UGCG: variants seen among roughly 807,000 people sequenced by gnomAD.
The protein encoded by UGCG is UDP-glucose ceramide glucosyltransferase.
UGCG carries 10 observed loss-of-function variants against 49.5 expected under a neutral mutation model. The ratio of observed to expected loss-of-function variants is 0.20; its 90% CI spans 0.12 to 0.34. UGCG has a LOEUF of 0.34. UGCG is among the 10% of genes least tolerant of loss of function. UGCG has a pLI of 1.00. For missense variants in UGCG, 312 were observed against 483.7 expected, an observed-to-expected ratio of 0.65 and a Z score of 3.33; for synonymous variants, 182 against 158.2, an observed-to-expected ratio of 1.15 and a Z score of -1.13.
intron 2 of UGCG, among the ~76,000 whole-genome samples, chr9:111,916,302 A>G (rs1838108704): frequency 6.6e-6 from 1 of 152,170 alleles, no homozygotes. Flanking sequence ...TGTGAAACTT[A>G]ATCTCACATT....
rs184641542 is a variant in UGCG, at chr9:111,913,311, A to G, written c.99-1294A>G. 5.3e-5 allele frequency among the ~76,000 whole-genome samples: 8 copies of G among 152,318 alleles called. No individual in the cohort carries two copies. In the East Asian group the frequency reaches 1.5e-3, roughly 29 times the overall value. ...CTTGTTTATGAGAAGTACTTGTCACATATTTACTAGAAGTAGGAGGAAGGC... is the reference window on the plus strand; with the variant it reads ...CTTGTTTATGAGAAGTACTTGTCACGTATTTACTAGAAGTAGGAGGAAGGC... On this transcript the variant is annotated intron_variant, in intron 1 of 8. Transcript: ENST00000374279.
chr9:111,899,210 C>T (rs561623714), intron 1 of UGCG, among the ~76,000 whole-genome samples: 4 of 152,130 alleles, frequency 2.6e-5, no homozygotes, highest in South Asian at 2.1e-4. Flanking sequence ...TTTATATTTC[C>T]GAAAGAGGAA....
At position 111,926,463 on chromosome 9, in the gene UGCG, A is replaced by C; in HGVS notation, c.525A>C (p.Ala175=). The C allele has an allele frequency of 1.9e-6, 3 of 1,611,038 alleles. No homozygotes were observed. The highest frequency in any genetic ancestry group is 2.5e-6 in the Non-Finnish European group (3 of 1,177,926). ...TGGTTCACGGGCTGCCTTACGTAGC[A>C]GACAGACAGGGCTTTGCTGCCACCT... ...VGLVHGLPYV[A]DRQGFAATLE... Residue 175 remains alanine (A), a synonymous_variant, in exon 5 of 9, where the codon GCA becomes GCC. Transcript: ENST00000374279.
At chr9:111,902,834 G>T (rs976766443) in intron 1 of UGCG, among the ~76,000 whole-genome samples, 11 of 151,694 alleles carry the variant, frequency 7.3e-5, no homozygotes, top group Admixed American at 7.2e-4. Flanking sequence ...CTGGATGGCA[G>T]TGGTGCGATC....
chr9:111,915,852 T>G, intron 2 of UGCG: 2 of 973,486 alleles, frequency 2.1e-6, no homozygotes, highest in Non-Finnish European at 2.4e-6. Context: ...TAGACATGAG[T>G]ATCATTCAGT....
chr9:111,932,440 G>A, intron 8 of UGCG, 81 bp downstream of exon 8: 2 of 1,365,566 alleles, frequency 1.5e-6, no homozygotes, highest in Non-Finnish European at 2.0e-6. Context: ...TGAAGGAAAT[G>A]TATCTGAGCC....
chr9:111,912,343 C>T (rs776468788), intron 1 of UGCG, among the ~76,000 whole-genome samples: 27 of 151,772 alleles, frequency 1.8e-4, no homozygotes, highest in Non-Finnish European at 2.6e-4. Flanking sequence ...TTTGGGAAGC[C>T]GAGGCGGGCA....
rs372672359 is a variant in UGCG at position 111,905,365 on chromosome 9, G to A, written c.98+8052G>A. On this transcript the variant is annotated intron_variant, in intron 1 of 8. Transcript: ENST00000374279. ...CTTGAACCCTTTGAGAAAGAAAACA[G>A]CCTGGCCAGATAAACCCTTCTGTCA... Among the ~76,000 whole-genome samples the A allele has an allele frequency of 6.6e-5, 10 of 152,066 alleles. No individual in the cohort carries two copies. The East Asian group carries it at 7.7e-4, about 12-fold the overall frequency.
At chr9:111,909,517 A>G (rs1007084750) in intron 1 of UGCG, among the ~76,000 whole-genome samples, 2 of 152,192 alleles carry the variant, frequency 1.3e-5, no homozygotes, top group African/African-American at 4.8e-5. Context: ...TGTAAGGAGA[A>G]GAGCTTCTGG....
At chr9:111,928,239 C>A (rs1490149056) in intron 5 of UGCG, among the ~76,000 whole-genome samples, 2 of 152,120 alleles carry the variant, frequency 1.3e-5, no homozygotes, top group African/African-American at 4.8e-5. Flanking sequence ...TATATTTGTC[C>A]TACTGCAAGA....
chr9:111,922,722 G>A (rs748057851), intron 2 of UGCG, 127 bp from the exon 3 acceptor site: 1 of 519,586 alleles, frequency 1.9e-6, no homozygotes. Context: ...CATTGTGAAT[G>A]CTCTCTTTTA....
At chr9:111,920,982 A>C (rs1353429104) in intron 2 of UGCG, among the ~76,000 whole-genome samples, 1 of 151,390 alleles carries the variant, frequency 6.6e-6, no homozygotes, top group Admixed American at 6.6e-5. Context: ...GGCTCACTTC[A>C]GTCTCCGCCT....
intron 3 of UGCG, among the ~76,000 whole-genome samples, chr9:111,923,684 G>A (rs1036928328): frequency 1.3e-5 from 2 of 151,848 alleles, no homozygotes; most frequent in Non-Finnish European, 2.9e-5. Flanking sequence ...CCGGGCTGGA[G>A]TGCAATGGCA....
At chr9:111,931,676 A>T (rs1182859667) in intron 7 of UGCG, among the ~76,000 whole-genome samples, 1 of 152,192 alleles carries the variant, frequency 6.6e-6, no homozygotes, top group African/African-American at 2.4e-5. Context: ...CATACAAATG[A>T]ATTTAAAGAC....
Position 111,897,148 on chromosome 9 carries a change from C to G in UGCG, c.-68C>G. ...CCCCGCACCGGGCGCCCACCCTGTC[C>G]TCCTCCTGCGGGAGCGTTGTCCGTG... On this transcript the variant is annotated 5_prime_UTR_variant, in exon 1 of 9. Transcript: ENST00000374279. 2.1e-6 allele frequency: 3 copies of G among 1,446,088 alleles called. No homozygotes were observed. Among genetic ancestry groups the G allele is most frequent in the Non-Finnish European group, 2.8e-6 (3 of 1,072,190 alleles). The allele number at this position is 1,446,088 out of a possible 1,614,324, so 89.6% of individuals were successfully genotyped here.
Position 111,914,881 on chromosome 9 carries a change from A to C in UGCG, c.240+135A>C, listed in dbSNP as rs919488001. On this transcript the variant is annotated intron_variant, in intron 2 of 8. Transcript: ENST00000374279. ...GATGATATTGGCCTCATAAAATATAACCTTTAGTAGTAGTCATCACAGAAC... is the reference window on the plus strand; with the variant it reads ...GATGATATTGGCCTCATAAAATATACCCTTTAGTAGTAGTCATCACAGAAC... 3.1e-6 allele frequency: 4 copies of C among 1,287,944 alleles called. No individual in the cohort carries two copies. The African/African-American group carries it at 4.5e-5, about 15-fold the overall frequency. The allele number at this position is 1,287,944 out of a possible 1,614,324, so 79.8% of individuals were successfully genotyped here. A position where few individuals can be genotyped will look rare whatever the true frequency, so the allele number is the denominator to read the frequency against.
chr9:111,904,229 A>T (rs1208036548), intron 1 of UGCG, among the ~76,000 whole-genome samples: 2 of 152,178 alleles, frequency 1.3e-5, no homozygotes, highest in Non-Finnish European at 1.5e-5. Context: ...TCTTGAATCC[A>T]TCCAATAATT....
At chr9:111,912,070 A>C (rs1838021850) in intron 1 of UGCG, among the ~76,000 whole-genome samples, 1 of 128,540 alleles carries the variant, frequency 7.8e-6, no homozygotes, top group Non-Finnish European at 1.6e-5. Context: ...GAATCAATTA[A>C]TTGTGTAATA....
At chr9:111,899,408 T>C (rs1362285317) in intron 1 of UGCG, among the ~76,000 whole-genome samples, 1 of 152,244 alleles carries the variant, frequency 6.6e-6, no homozygotes, top group East Asian at 1.9e-4. Flanking sequence ...TGAGCACTTT[T>C]AAAATATGTT....
Sources: allele counts gnomAD v4.1 joint callset (sites outside exome capture counted in the v4.1 genomes callset), GRCh38; gene constraint gnomAD v4.1.1; transcripts MANE v1.5; gene names NCBI Gene and HGNC (gene_info 2026-07-23, HGNC 2026-07-21).